The following RFX4 variants were observed in gnomAD, a reference collection of about 807,000 sequenced individuals.
RFX4 encodes transcription factor RFX4.
RFX4 carries 10 observed loss-of-function variants against 95.0 expected under a neutral mutation model. That is an observed-to-expected ratio of 0.11 (90% CI 0.06 to 0.18). The LOEUF (loss-of-function observed/expected upper bound fraction) is 0.18, where lower values mean the gene tolerates loss of function less well. RFX4 is among the 10% of genes least tolerant of loss of function. The pLI is 1.00. For synonymous variants in RFX4, 321 were observed against 340.7 expected (o/e 0.94, Z 0.64); for missense variants, 640 against 922.0 (o/e 0.69, Z 3.96).
chr12:106,742,304 A>C (rs987149497), intron 15 of RFX4, among the ~76,000 whole-genome samples: 3 of 152,212 alleles, frequency 2.0e-5, no homozygotes, highest in African/African-American at 7.2e-5. Context: ...CTCCCGCCTC[A>C]GCTTCCCAAG....
At chr12:106,685,042 A>C in intron 5 of RFX4, 43 of 1,383,734 alleles carry the variant, frequency 3.1e-5, no homozygotes, top group East Asian at 5.6e-5. Context: ...TTGTATCTCC[A>C]TGGGTAGAGA....
intron 16 of RFX4, 126 bp from the exon 17 acceptor site, chr12:106,750,529 G>C (rs2042981945): frequency 1.0e-6 from 1 of 976,734 alleles, no homozygotes; most frequent in Non-Finnish European, 1.4e-6. Flanking sequence ...GGGGGTGAAG[G>C]GGGGAAGAAA....
At chr12:106,609,978 C>T (rs2039924872) in intron 2 of RFX4, among the ~76,000 whole-genome samples, 1 of 152,080 alleles carries the variant, frequency 6.6e-6, no homozygotes, top group African/African-American at 2.4e-5. Flanking sequence ...CTGTGAGATT[C>T]ATTCATCTTG....
At chr12:106,654,840 A>C (rs1372534095) in intron 4 of RFX4, among the ~76,000 whole-genome samples, 3 of 152,196 alleles carry the variant, frequency 2.0e-5, no homozygotes, top group African/African-American at 7.2e-5. Flanking sequence ...ATTTAGAGCT[A>C]TGTCTACAAA....
At chr12:106,726,203 G>A (rs558717051) in intron 13 of RFX4, among the ~76,000 whole-genome samples, 5 of 149,682 alleles carry the variant, frequency 3.3e-5, no homozygotes, top group East Asian at 2.0e-4. Context: ...AGCTGAGATC[G>A]TGCCACTGCA....
chr12:106,635,612 C>T (rs2040496783), intron 2 of RFX4, among the ~76,000 whole-genome samples: 1 of 152,136 alleles, frequency 6.6e-6, no homozygotes, highest in African/African-American at 2.4e-5. Context: ...CATGCCCGGT[C>T]CCATGTTTTT....
At chr12:106,756,475 G>A (rs1156438247) in intron 17 of RFX4, among the ~76,000 whole-genome samples, 1 of 152,080 alleles carries the variant, frequency 6.6e-6, no homozygotes, top group African/African-American at 2.4e-5. Context: ...AGAATCTTCA[G>A]CAGCCTGGCT....
At chr12:106,732,052 C>A (rs1052930688) in intron 13 of RFX4, 78 bp from the exon 14 acceptor site, 1 of 1,571,286 alleles carries the variant, frequency 6.4e-7, no homozygotes, top group Non-Finnish European at 8.7e-7. Flanking sequence ...CACTGTGTAA[C>A]TTGTGCAGTT....
chr12:106,602,624 G>C (rs1208505280), intron 1 of RFX4, among the ~76,000 whole-genome samples: 1 of 152,136 alleles, frequency 6.6e-6, no homozygotes, highest in Non-Finnish European at 1.5e-5. Context: ...CCTCAAACAA[G>C]TCAAGCATGA....
intron 2 of RFX4, among the ~76,000 whole-genome samples, chr12:106,633,161 A>C (rs2040449672): frequency 6.6e-6 from 1 of 152,198 alleles, no homozygotes; most frequent in South Asian, 2.1e-4. Flanking sequence ...CTGGGCACAA[A>C]GTCACCAGTG....
At chr12:106,650,711 G>A (rs1447728047) in intron 3 of RFX4, among the ~76,000 whole-genome samples, 1 of 151,944 alleles carries the variant, frequency 6.6e-6, no homozygotes, top group South Asian at 2.1e-4. Flanking sequence ...CTGGGTGACA[G>A]AGCGAAACTC....
At position 106,631,816 on chromosome 12, in the gene RFX4, C is replaced by T. The variant is rs1433336524; in HGVS notation, c.131-7516C>T. Among the ~76,000 whole-genome samples the T allele has an allele frequency of 2.6e-5, 4 of 152,348 alleles. No individual in the cohort carries two copies. The East Asian group carries it at 7.7e-4, about 29-fold the overall frequency. On this transcript the variant is annotated intron_variant, in intron 2 of 17. Coordinates refer to ENST00000392842, the MANE Select transcript of RFX4 (RefSeq NM_213594.3). ...CAGCGACCACACTCTGCCATGGGGA[C>T]TTTGCTGGGGAGCAGTCAGGGTGCT...
chr12:106,729,411 T>C lies in RFX4; in HGVS notation c.1352-2719T>C, dbSNP rs139842761. 1.9e-3 allele frequency among the ~76,000 whole-genome samples: 296 copies of C among 152,326 alleles called. 3 individuals are homozygous for C. Among genetic ancestry groups the C allele is most frequent in the African/African-American group, 6.7e-3 (280 of 41,580 alleles). ...CAATAATAATAATAGCTACCAATTA[T>C]TAAGCATCTAATATACACTTTTACT... On this transcript the variant is annotated intron_variant, in intron 13 of 17. Transcript: ENST00000392842.
chr12:106,634,050 G>T (rs1690701941), intron 2 of RFX4, among the ~76,000 whole-genome samples: 1 of 151,760 alleles, frequency 6.6e-6, no homozygotes, highest in African/African-American at 2.4e-5. Context: ...GCTTGTGTGT[G>T]AAAGAACCCT....
At position 106,746,650 on chromosome 12, in the gene RFX4, G is replaced by A. The variant is rs1313372076; in HGVS notation, c.1634-787G>A. On this transcript the variant is annotated intron_variant, in intron 15 of 17. Transcript: ENST00000392842. ...CCAATTAAATTAAAAAATAGACAAA[G>A]GGAATTCATAATTTGTATGGAATAG... is the stretch of plus-strand genomic sequence containing the variant. 2.6e-5 allele frequency among the ~76,000 whole-genome samples: 4 copies of A among 152,296 alleles called. No individual in the cohort carries two copies. In the East Asian group the frequency reaches 5.8e-4, roughly 22 times the overall value.
intron 2 of RFX4, among the ~76,000 whole-genome samples, chr12:106,618,303 T>C (rs184570778): frequency 2.0e-5 from 3 of 152,240 alleles, no homozygotes; most frequent in African/African-American, 7.2e-5. Flanking sequence ...ATATCCTTAC[T>C]GTTTTATTGT....
At chr12:106,614,745 G>C (rs748004354) in intron 2 of RFX4, among the ~76,000 whole-genome samples, 1 of 150,594 alleles carries the variant, frequency 6.6e-6, no homozygotes, top group Non-Finnish European at 1.5e-5. Flanking sequence ...TCCTGACCTC[G>C]TGATCTACCC....
Position 106,762,714 on chromosome 12 carries a change from T to A in RFX4, c.*1245T>A, listed in dbSNP as rs2043225368. On this transcript the variant is annotated 3_prime_UTR_variant, in exon 18 of 18. Transcript: ENST00000392842. ...TGATCACACCACTCAGTGTGATAATTGTGTCTACAGCTAAAATGGAAATAG... is the reference window on the plus strand; with the variant it reads ...TGATCACACCACTCAGTGTGATAATAGTGTCTACAGCTAAAATGGAAATAG... The A allele has an allele frequency of 6.6e-6, 1 of 152,538 alleles. No homozygotes were observed. Among genetic ancestry groups the A allele is most frequent in the African/African-American group, 2.4e-5 (1 of 41,408 alleles). The allele number at this position is 152,538 out of a possible 1,614,324, so 9.4% of individuals were successfully genotyped here. A position where few individuals can be genotyped will look rare whatever the true frequency, so the allele number is the denominator to read the frequency against.
intron 9 of RFX4, among the ~76,000 whole-genome samples, chr12:106,711,118 T>C (rs1040174591): frequency 1.3e-5 from 2 of 152,210 alleles, no homozygotes; most frequent in African/African-American, 4.8e-5. Flanking sequence ...GGAGAAGTGA[T>C]TGAGCTTGCA....
Sources: allele counts gnomAD v4.1 joint callset (sites outside exome capture counted in the v4.1 genomes callset), GRCh38; gene constraint gnomAD v4.1.1; transcripts MANE v1.5; gene names NCBI Gene and HGNC (gene_info 2026-07-23, HGNC 2026-07-21).